The following SYNPR variants were observed in gnomAD, a reference collection of about 807,000 sequenced individuals.
SYNPR encodes synaptoporin.
A neutral mutation model predicts 32.9 loss-of-function variants in SYNPR; 23 were observed. The ratio of observed to expected loss-of-function variants is 0.70; its 90% CI spans 0.50 to 0.99. SYNPR has a LOEUF of 0.99. Among genes scored for constraint, SYNPR ranks in the 50% least tolerant of loss-of-function variants. SYNPR has a pLI of 0.00. For synonymous variants in SYNPR, 146 were observed against 135.9 expected (o/e 1.07, Z -0.52); for missense variants, 318 against 349.3 (o/e 0.91, Z 0.71).
the SYNPR span, among the ~76,000 whole-genome samples, chr3:63,218,729 C>T: frequency 5.9e-5 from 9 of 152,018 alleles, no homozygotes; most frequent in South Asian, 8.3e-4. Flanking sequence ...TTTCATAAAG[C>T]GATACAAAGG....
At chr3:63,442,631 C>T (rs1395946643) in intron 2 of SYNPR, among the ~76,000 whole-genome samples, 1 of 152,178 alleles carries the variant, frequency 6.6e-6, no homozygotes, top group East Asian at 1.9e-4. Flanking sequence ...ATCCATGTCG[C>T]ACTTAAGCCT....
the SYNPR span, among the ~76,000 whole-genome samples, chr3:63,200,771 T>C: frequency 0.24 from 37,151 of 152,108 alleles, 5,317 homozygotes; most frequent in African/African-American, 0.38. Context: ...TTCTTTGTGA[T>C]ACTATCATGA....
intron 3 of SYNPR, among the ~76,000 whole-genome samples, chr3:63,550,619 A>G (rs1010066968): frequency 6.6e-6 from 1 of 152,060 alleles, no homozygotes; most frequent in Non-Finnish European, 1.5e-5. Context: ...CTCCCTCCCC[A>G]CTGTCTCCAC....
chr3:63,413,272 TC>T lies in SYNPR; in HGVS notation c.85-67558del, dbSNP rs1164668520. ...TGATGCATATTGCTTTTTATCATATTCCATGACTCACCATGTTTTGACTATA... is the reference window on the plus strand; with the variant it reads ...TGATGCATATTGCTTTTTATCATATTCATGACTCACCATGTTTTGACTATA... On this transcript the variant is annotated intron_variant, in intron 2 of 5. Coordinates refer to ENST00000478300, the MANE Select transcript of SYNPR (RefSeq NM_001130003.2). Among the ~76,000 whole-genome samples the T allele has an allele frequency of 2.6e-5, 4 of 152,180 alleles. No homozygotes were observed. In the East Asian group the frequency reaches 7.7e-4, roughly 29 times the overall value.
intron 2 of SYNPR, among the ~76,000 whole-genome samples, chr3:63,468,892 A>T (rs746889746): frequency 6.6e-6 from 1 of 151,284 alleles, no homozygotes; most frequent in Non-Finnish European, 1.5e-5. Flanking sequence ...CTGAATAAAC[A>T]TTTTTTTTTA....
At chr3:63,276,114 G>A, upstream of SYNPR, among the ~76,000 whole-genome samples, 1 of 152,200 alleles carries the variant, frequency 6.6e-6, no homozygotes, top group East Asian at 1.9e-4. Flanking sequence ...AGCTGTCAGA[G>A]TAACCTCTAT....
intron 3 of SYNPR, among the ~76,000 whole-genome samples, chr3:63,485,115 G>A (rs1301732037): frequency 6.6e-6 from 1 of 152,094 alleles, no homozygotes; most frequent in East Asian, 1.9e-4. Flanking sequence ...GGTGAAGACT[G>A]AAAATGAAGC....
intron 4 of SYNPR, among the ~76,000 whole-genome samples, chr3:63,559,242 A>T (rs1356249025): frequency 6.6e-6 from 1 of 151,740 alleles, no homozygotes; most frequent in East Asian, 1.9e-4. Context: ...CACTCAGCTA[A>T]TTTTTTGTAT....
intron 3 of SYNPR, among the ~76,000 whole-genome samples, chr3:63,512,461 G>T (rs1296873185): frequency 1.3e-5 from 2 of 152,156 alleles, no homozygotes; most frequent in Non-Finnish European, 2.9e-5. Flanking sequence ...AATTATGGCT[G>T]TTAATCAGCT....
intron 2 of SYNPR, among the ~76,000 whole-genome samples, chr3:63,399,669 T>A (rs1477018457): frequency 6.6e-6 from 1 of 152,098 alleles, no homozygotes; most frequent in African/African-American, 2.4e-5. Flanking sequence ...ATACAAACAT[T>A]CAGACCATAG....
At chr3:63,273,203 A>G (rs916127732) in intron 3 of SYNPR, among the ~76,000 whole-genome samples, 1 of 152,172 alleles carries the variant, frequency 6.6e-6, no homozygotes, top group Non-Finnish European at 1.5e-5. Context: ...ATTTTTGCCT[A>G]AAGCTTGTGA....
intron 1 of SYNPR, chr3:63,252,448 G>C (rs1393246025): frequency 1.3e-5 from 2 of 151,884 alleles, no homozygotes; most frequent in Non-Finnish European, 2.9e-5. Context: ...AATATTTTTT[G>C]GCTGTAGCAT....
intron 3 of SYNPR, among the ~76,000 whole-genome samples, chr3:63,481,902 T>TA (rs1701056351): frequency 6.6e-6 from 1 of 152,224 alleles, no homozygotes; most frequent in Non-Finnish European, 1.5e-5. Context: ...CATGAGATCA[T>TA]AAGCTCGGCA....
intron 4 of SYNPR, among the ~76,000 whole-genome samples, chr3:63,558,531 T>A (rs190421950): frequency 1.2e-3 from 177 of 152,150 alleles, no homozygotes; most frequent in African/African-American, 4.1e-3. Flanking sequence ...CAAGGTTTCA[T>A]CATATTTTTT....
At chr3:63,400,060 C>T (rs2088270658) in intron 2 of SYNPR, among the ~76,000 whole-genome samples, 1 of 152,160 alleles carries the variant, frequency 6.6e-6, no homozygotes, top group Non-Finnish European at 1.5e-5. Flanking sequence ...TGAGCAAGCT[C>T]AACCAGGGTT....
At chr3:63,326,604 G>A (rs920968872) in intron 2 of SYNPR, among the ~76,000 whole-genome samples, 10 of 152,118 alleles carry the variant, frequency 6.6e-5, no homozygotes, top group Non-Finnish European at 1.2e-4. Context: ...ATCACTGAGT[G>A]TCCAGTCTTA....
chr3:63,494,437 A>ATT (rs1701324383), intron 3 of SYNPR, among the ~76,000 whole-genome samples: 1 of 126,830 alleles, frequency 7.9e-6, no homozygotes, highest in African/African-American at 3.0e-5. Flanking sequence ...ATATATACGT[A>ATT]TATATATATA....
intron 2 of SYNPR, among the ~76,000 whole-genome samples, chr3:63,392,615 G>A (rs142797344): frequency 3.9e-5 from 6 of 152,190 alleles, no homozygotes; most frequent in Admixed American, 6.5e-5. Context: ...TGTCATTATC[G>A]TCCCTGGAAT....
intron 2 of SYNPR, among the ~76,000 whole-genome samples, chr3:63,279,454 C>A (rs945750626): frequency 6.6e-6 from 1 of 152,166 alleles, no homozygotes; most frequent in Non-Finnish European, 1.5e-5. Context: ...TATTCCACTT[C>A]CGTGAAACCA....
Sources: allele counts gnomAD v4.1 joint callset (sites outside exome capture counted in the v4.1 genomes callset), GRCh38; gene constraint gnomAD v4.1.1; transcripts MANE v1.5; gene names NCBI Gene and HGNC (gene_info 2026-07-23, HGNC 2026-07-21).